The following PADI2 variants were observed in gnomAD, a reference collection of about 807,000 sequenced individuals.
PADI2 encodes peptidyl arginine deiminase 2, also known as protein-arginine deiminase type-2.
Under a neutral mutation model 81.1 loss-of-function variants are expected in PADI2, and 70 were observed. The ratio of observed to expected loss-of-function variants is 0.86; its 90% CI spans 0.71 to 1.05. The LOEUF (loss-of-function observed/expected upper bound fraction) is 1.05. Among genes scored for constraint, PADI2 ranks in the 50% least tolerant of loss-of-function variants. The pLI is 0.00. For missense variants in PADI2, 853 were observed against 889.9 expected (o/e 0.96, Z 0.53); for synonymous variants, 338 against 358.0 (o/e 0.94, Z 0.63).
At chr1:17,112,529 G>GGCA (rs1302344162) in intron 1 of PADI2, among the ~76,000 whole-genome samples, 1 of 105,684 alleles carries the variant, frequency 9.5e-6, no homozygotes, top group African/African-American at 4.3e-5. Flanking sequence ...AGTCTGGGGG[G>GGCA]GGGAGTCGTG....
chr1:17,084,753 T>C (rs558609264), intron 7 of PADI2, 51 bp from the exon 8 acceptor site: 1 of 1,145,360 alleles, frequency 8.7e-7, no homozygotes, highest in East Asian at 2.6e-5. Flanking sequence ...GTCAGGTGCT[T>C]TCTTTGCCTG....
At chr1:17,074,835 C>T in intron 13 of PADI2, 21 bp downstream of exon 13, 1 of 1,538,602 alleles carries the variant, frequency 6.5e-7, no homozygotes. Context: ...CACTTCCTGT[C>T]AAGGCCCTGT....
chr1:17,106,428 G>A (rs1194707728), intron 1 of PADI2, among the ~76,000 whole-genome samples: 1 of 151,386 alleles, frequency 6.6e-6, no homozygotes, highest in East Asian at 1.9e-4. Flanking sequence ...GGTCATAGGG[G>A]CAGGCTTCTT....
intron 1 of PADI2, among the ~76,000 whole-genome samples, chr1:17,108,563 C>T (rs1030851708): frequency 1.1e-4 from 16 of 151,960 alleles, no homozygotes; most frequent in African/African-American, 3.6e-4. Flanking sequence ...CAGAGCCTAG[C>T]ACAGGGCTTG....
chr1:17,119,304 G>A lies in PADI2; in HGVS notation c.68C>T (p.Thr23Ile), dbSNP rs1931863220. Residue 23 changes from threonine to isoleucine, a missense_variant, in exon 1 of 16, where the codon ACC becomes ATC. Physicochemically the swap from Thr to Ile is moderately conservative, Grantham distance 89 (BLOSUM62 -1). Transcript: ENST00000375486. The surrounding 1 kb of genome is among the most constrained non-coding windows in gnomAD (Gnocchi z 4.8). The stretch of plus-strand genomic sequence containing the variant: ...CCTGTAGACATCGGTCCAGAGGTAG[G>A]TGCCCAGCACGTACACCGCCTCCAC... Reference protein sequence around the residue: ...SRVEAVYVLGTYLWTDVYSAA... With the variant: ...SRVEAVYVLGIYLWTDVYSAA... 5 of 1,560,254 alleles carry A rather than the reference G, an allele frequency of 3.2e-6. No homozygotes were observed. The highest frequency in any genetic ancestry group is 3.5e-6 in the Non-Finnish European group (4 of 1,153,524).
At chr1:17,078,133 C>T (rs553649106) in intron 11 of PADI2, among the ~76,000 whole-genome samples, 54 of 152,238 alleles carry the variant, frequency 3.5e-4, no homozygotes, top group South Asian at 6.2e-4. Flanking sequence ...TTTTTTGAGA[C>T]GCAGTTTCAC....
intron 1 of PADI2, among the ~76,000 whole-genome samples, chr1:17,106,491 G>A (rs1040994628): frequency 6.6e-6 from 1 of 150,378 alleles, no homozygotes; most frequent in African/African-American, 2.5e-5. Context: ...CTCCCAGGCT[G>A]GAGTGCAGTG....
At chr1:17,108,087 T>G (rs1390087440) in intron 1 of PADI2, among the ~76,000 whole-genome samples, 1 of 152,064 alleles carries the variant, frequency 6.6e-6, no homozygotes, top group East Asian at 1.9e-4. Context: ...TAGCTGGGAT[T>G]ACAGGTGCCC....
Position 17,093,614 on chromosome 1 carries a change from C to G in PADI2, c.482G>C (p.Trp161Ser). 3 of 1,614,046 alleles carry G rather than the reference C, an allele frequency of 1.9e-6. No individual in the cohort carries two copies. Among genetic ancestry groups the G allele is most frequent in the Non-Finnish European group, 2.5e-6 (3 of 1,179,944 alleles). The change falls in exon 5 of 16, where the codon TGG (tryptophan) becomes TCG (serine). Residue 161 changes from tryptophan to serine, a missense_variant. Transcript: ENST00000375486. ...ATCACGGCAGTCCTCCTTGGGCAAC[C>G]AGGGTGTCTCTCGGTCACAGTTCAC... is the stretch of plus-strand genomic sequence containing the variant. ...LLVNCDRETPWLPKEDCRDEK... is the reference protein window; with the variant it reads ...LLVNCDRETPSLPKEDCRDEK...
intron 9 of PADI2, 99 bp downstream of exon 9, chr1:17,083,627 C>A: frequency 5.3e-6 from 4 of 752,666 alleles, no homozygotes; most frequent in Non-Finnish European, 9.7e-6. Flanking sequence ...GAATCCCCAT[C>A]TGCAGAGCTG....
intron 3 of PADI2, among the ~76,000 whole-genome samples, chr1:17,098,138 G>A (rs2235916): frequency 0.61 from 92,637 of 151,376 alleles, 28,648 homozygotes; most frequent in African/African-American, 0.68. Context: ...GCAGGGCCTC[G>A]GACTCCGGCT....
Position 17,069,206 on chromosome 1 carries a change from G to T in PADI2, c.1836C>A (p.Cys612Ter). The stretch of plus-strand genomic sequence containing the variant: ...GGCCACGCACGTGCATCTCCAGGCA[G>T]CATTCCTCCTCAACCTGTGGCCCGA... ...KPFGPQVEEE[C>*]CLEMHVRGLL... is the part of the protein sequence containing the mutation. The change falls in exon 16 of 16, where the codon TGC (cysteine) becomes TGA (stop). Residue 612 changes from cysteine to a stop codon, truncating the protein, a stop_gained. Transcript: ENST00000375486. LOFTEE classifies it high-confidence loss of function. 6.2e-7 allele frequency: 1 copy of T among 1,614,250 alleles called. No homozygotes were observed. The highest frequency in any genetic ancestry group is 1.1e-5 in the South Asian group (1 of 91,090).
intron 1 of PADI2, among the ~76,000 whole-genome samples, chr1:17,118,261 G>A (rs1021270255): frequency 6.6e-6 from 1 of 152,084 alleles, no homozygotes; most frequent in African/African-American, 2.4e-5. Flanking sequence ...GGACTCATCC[G>A]GTGTCAGCAC....
At chr1:17,069,343 C>T in intron 15 of PADI2, 66 bp from the exon 16 acceptor site, 2 of 1,249,460 alleles carry the variant, frequency 1.6e-6, no homozygotes, top group East Asian at 2.4e-5. Context: ...ACATGCCTAT[C>T]CTAAGCTCAT....
At chr1:17,107,197 C>A (rs1015590645) in intron 1 of PADI2, among the ~76,000 whole-genome samples, 1 of 152,162 alleles carries the variant, frequency 6.6e-6, no homozygotes. Flanking sequence ...AAAGGCACAG[C>A]TGCTATTTTG....
intron 4 of PADI2, among the ~76,000 whole-genome samples, chr1:17,095,606 T>C (rs1326140732): frequency 2.6e-5 from 4 of 152,084 alleles, no homozygotes; most frequent in African/African-American, 9.7e-5. Context: ...GGCAAAATAA[T>C]AAGAGCAAAT....
At chr1:17,092,238 C>A (rs1049651195) in intron 6 of PADI2, among the ~76,000 whole-genome samples, 170 bp downstream of exon 6, 1 of 152,076 alleles carries the variant, frequency 6.6e-6, no homozygotes, top group African/African-American at 2.4e-5. Context: ...AGCGATGTGT[C>A]CCCATGGAGT....
chr1:17,108,429 C>T (rs750960527), intron 1 of PADI2, among the ~76,000 whole-genome samples: 13 of 152,106 alleles, frequency 8.5e-5, no homozygotes, highest in Non-Finnish European at 1.5e-4. Context: ...CCATAGCTCT[C>T]GTCTCTCACT....
chr1:17,079,421 C>T lies in PADI2; in HGVS notation c.1159-6G>A, dbSNP rs2057095. 0.56 allele frequency: 894,907 copies of T among 1,605,756 alleles called. 253,093 individuals carry two copies. The highest frequency in any genetic ancestry group is 0.58 in the Non-Finnish European group (683,523 of 1,173,232). ...ACGTAGCCAAAATCTGGGCCCTAGG[C>T]AGAGGGCACACACCTGCGTTAGTCT... On this transcript the variant is annotated splice_region_variant and splice_polypyrimidine_tract_variant and intron_variant, in intron 10 of 15. Transcript: ENST00000375486.
Sources: gnomAD v4.1 joint callset for allele counts (sites outside exome capture counted in the v4.1 genomes callset) on GRCh38, gnomAD v4.1.1 for gene constraint, Gnocchi (gnomAD v3.1) non-coding constraint, MANE v1.5 for transcripts, NCBI Gene and HGNC (gene_info 2026-07-23, HGNC 2026-07-21) for gene names.